Variants in TTC17 observed in about 807,000 individuals in gnomAD.
TTC17 encodes the protein tetratricopeptide repeat domain 17.
In TTC17, 58 loss-of-function variants were observed where a neutral mutation model predicts 143.8. The ratio of observed to expected loss-of-function variants is 0.40; its 90% CI spans 0.33 to 0.50. The LOEUF is 0.50. Ranked by LOEUF, TTC17 falls within the 20% of genes least tolerant of loss-of-function variation. The pLI is 0.49. For synonymous variants in TTC17, 501 were observed against 497.8 expected (o/e 1.01, Z -0.09); for missense variants, 1,273 against 1,392.5 (o/e 0.91, Z 1.37).
chr11:43,424,795 AT>A (rs1164106351), intron 16 of TTC17, among the ~76,000 whole-genome samples: 3 of 152,146 alleles, frequency 2.0e-5, no homozygotes, highest in African/African-American at 7.2e-5. Context: ...TTAATTGTGT[AT>A]TTTTAATAAA....
chr11:43,443,597 A>G lies in TTC17; in HGVS notation c.2511+13A>G. The G allele has an allele frequency of 6.3e-7, 1 of 1,596,440 alleles. No homozygotes were observed. ...AGCAACAGAATGGGTAAGTTTGCCA[A>G]CTTAATTCTCACAAAATTGTAGCCC... On this transcript the variant is annotated intron_variant, in intron 17 of 23. Transcript: ENST00000039989.
intron 5 of TTC17, among the ~76,000 whole-genome samples, chr11:43,392,549 G>C (rs981641268): frequency 6.6e-6 from 1 of 152,184 alleles, no homozygotes; most frequent in African/African-American, 2.4e-5. Flanking sequence ...AAAATAAGAT[G>C]TATAATTGCC....
At chr11:43,421,688 C>T (rs1190079570) in intron 16 of TTC17, among the ~76,000 whole-genome samples, 5 of 152,178 alleles carry the variant, frequency 3.3e-5, no homozygotes, top group Non-Finnish European at 5.9e-5. Context: ...CCATCACACC[C>T]AGATGGGACC....
intron 16 of TTC17, among the ~76,000 whole-genome samples, chr11:43,433,220 C>G (rs937899635): frequency 6.6e-6 from 1 of 152,080 alleles, no homozygotes; most frequent in Non-Finnish European, 1.5e-5. Context: ...AGGATGGTCT[C>G]GATCTCTTGA....
At chr11:43,445,914 T>C in intron 18 of TTC17, 1 of 1,066,034 alleles carries the variant, frequency 9.4e-7, no homozygotes, top group Non-Finnish European at 1.4e-6. Flanking sequence ...ACTAATTTCA[T>C]TTCCTTTTTT....
chr11:43,359,220 C>T, intron 1 of TTC17, 107 bp downstream of exon 1: 1 of 1,364,882 alleles, frequency 7.3e-7, no homozygotes, highest in Admixed American at 3.5e-5. Context: ...CCCCAGCCTA[C>T]CCTCACAGGG....
At chr11:43,485,891 T>G (rs569197980) in intron 21 of TTC17, among the ~76,000 whole-genome samples, 24 of 149,996 alleles carry the variant, frequency 1.6e-4, no homozygotes, top group African/African-American at 5.6e-4. Context: ...TTGTTTTTTT[T>G]TTTTTTTTTT....
rs375531409 is a variant in TTC17, at chr11:43,464,432, T to C, written c.3030+13167T>C. Among the ~76,000 whole-genome samples, 35 of 152,074 alleles carry C rather than the reference T, an allele frequency of 2.3e-4. 1 individual carries two copies. The East Asian group carries it at 6.6e-3, about 29-fold the overall frequency. On this transcript the variant is annotated intron_variant, in intron 21 of 23. Coordinates refer to ENST00000039989, the MANE Select transcript of TTC17 (RefSeq NM_018259.6). Reference sequence around the variant, plus strand: ...CCCTGTAACTTGGATGTAGGGAAAATTTCCTAATAGACTCAAAATTCATAC... The same window carrying C: ...CCCTGTAACTTGGATGTAGGGAAAACTTCCTAATAGACTCAAAATTCATAC...
Position 43,427,987 on chromosome 11 carries a change from A to G in TTC17, c.2251+13211A>G, listed in dbSNP as rs559118910. On this transcript the variant is annotated intron_variant, in intron 16 of 23. Coordinates refer to ENST00000039989, the MANE Select transcript of TTC17 (RefSeq NM_018259.6). ...CCAAAGTTTGCCCAGAGTGCTTTCTAGGAAACCCCCCTCAATATACATAAG... is the reference window on the plus strand; with the variant it reads ...CCAAAGTTTGCCCAGAGTGCTTTCTGGGAAACCCCCCTCAATATACATAAG... 1.4e-4 allele frequency among the ~76,000 whole-genome samples: 22 copies of G among 152,236 alleles called. No homozygotes were observed. In the South Asian group the frequency reaches 4.1e-3, roughly 29 times the overall value.
At chr11:43,470,405 A>G (rs190746214) in intron 21 of TTC17, among the ~76,000 whole-genome samples, 2 of 152,320 alleles carry the variant, frequency 1.3e-5, no homozygotes, top group African/African-American at 2.4e-5. Context: ...TAAAGAATCA[A>G]TATCTTTTGT....
chr11:43,430,708 C>T (rs1175475570), intron 16 of TTC17, among the ~76,000 whole-genome samples: 4 of 114,724 alleles, frequency 3.5e-5, no homozygotes, highest in African/African-American at 9.6e-5. Flanking sequence ...CCTACATACA[C>T]GCACACACAC....
intron 1 of TTC17, 23 bp from the exon 2 acceptor site, chr11:43,379,210 A>G (rs1565134050): frequency 6.2e-7 from 1 of 1,602,722 alleles, no homozygotes; most frequent in Non-Finnish European, 8.5e-7. Context: ...TCCGAGCTTT[A>G]TTTATTTATT....
chr11:43,436,037 G>A (rs2134700505), intron 16 of TTC17: 1 of 770,664 alleles, frequency 1.3e-6, no homozygotes, highest in South Asian at 6.8e-5. Context: ...ACTGATTTTT[G>A]TGTGTTCTGC....
intron 16 of TTC17, among the ~76,000 whole-genome samples, chr11:43,441,051 C>T (rs1289700871): frequency 5.3e-5 from 8 of 150,204 alleles, no homozygotes; most frequent in Admixed American, 4.6e-4. Flanking sequence ...GGGCGGATCA[C>T]CTGAGACCAG....
In TTC17 at chr11:43,414,605, A is replaced by T; in HGVS notation, c.2080A>T (p.Ser694Cys). The change falls in exon 16 of 24, where the codon AGC becomes TGC. Residue 694 changes from serine to cysteine, a missense_variant. By Grantham distance (112) the Ser-to-Cys change is moderately radical. Coordinates refer to ENST00000039989, the MANE Select transcript of TTC17 (RefSeq NM_018259.6). Reference sequence around the variant, plus strand: ...TTCTTTTCAGCCTCTGACCTTTTTGAGCCTGGGAAATGCTTACCTTGCTCT... The same window carrying T: ...TTCTTTTCAGCCTCTGACCTTTTTGTGCCTGGGAAATGCTTACCTTGCTCT... ...INSSEPLTFL[S>C]LGNAYLALKN... is the part of the protein sequence containing the mutation. The T allele has an allele frequency of 6.3e-7, 1 of 1,599,934 alleles. No individual in the cohort carries two copies. Among genetic ancestry groups the T allele is most frequent in the Non-Finnish European group, 8.5e-7 (1 of 1,174,726 alleles).
At chr11:43,371,014 G>A (rs1856547616) in intron 1 of TTC17, among the ~76,000 whole-genome samples, 2 of 115,128 alleles carry the variant, frequency 1.7e-5, no homozygotes, top group South Asian at 5.3e-4. Flanking sequence ...GTTGTTCGGG[G>A]AGGGGAGGTG....
At chr11:43,383,774 G>A (rs1857066244) in intron 2 of TTC17, among the ~76,000 whole-genome samples, 3 of 152,018 alleles carry the variant, frequency 2.0e-5, no homozygotes, top group Admixed American at 6.6e-5. Flanking sequence ...TGGTGTGGTG[G>A]TTTTATTTTT....
chr11:43,474,139 C>A (rs1035632358), intron 21 of TTC17, among the ~76,000 whole-genome samples: 1 of 152,156 alleles, frequency 6.6e-6, no homozygotes, highest in Admixed American at 6.5e-5. Flanking sequence ...GAAAAGTTCC[C>A]TGTGGATGTA....
intron 21 of TTC17, among the ~76,000 whole-genome samples, chr11:43,454,948 CTG>C (rs1425924630): frequency 6.6e-6 from 1 of 151,952 alleles, no homozygotes; most frequent in Admixed American, 6.5e-5. Flanking sequence ...ATATCAAACT[CTG>C]AACTTTGATT....
Sources: gnomAD v4.1 joint callset for allele counts (sites outside exome capture counted in the v4.1 genomes callset) on GRCh38, gnomAD v4.1.1 for gene constraint, MANE v1.5 for transcripts, NCBI Gene and HGNC (gene_info 2026-07-23, HGNC 2026-07-21) for gene names.